ATF7IP: variants seen among roughly 807,000 people sequenced by gnomAD.
ATF7IP encodes activating transcription factor 7-interacting protein 1.
In ATF7IP, 23 loss-of-function variants were observed where a neutral mutation model predicts 106.4. The observed-to-expected ratio is 0.22, with a 90% CI of 0.16 to 0.31. The LOEUF is 0.31. Among genes scored for constraint, ATF7IP ranks in the 10% least tolerant of loss-of-function variants. ATF7IP has a pLI of 1.00. For missense variants in ATF7IP, 1,334 were observed against 1,524.3 expected, an observed-to-expected ratio of 0.88 and a Z score of 2.08; for synonymous variants, 542 against 539.0, an observed-to-expected ratio of 1.01 and a Z score of -0.08.
chr12:14,410,306 G>A (rs1940842199), intron 1 of ATF7IP, among the ~76,000 whole-genome samples: 1 of 152,164 alleles, frequency 6.6e-6, no homozygotes, highest in African/African-American at 2.4e-5. Context: ...TAAGTAGTGT[G>A]ATGAAATCTC....
At chr12:14,397,559 A>G (rs1175011940) in intron 1 of ATF7IP, among the ~76,000 whole-genome samples, 1 of 152,112 alleles carries the variant, frequency 6.6e-6, no homozygotes, top group Non-Finnish European at 1.5e-5. Context: ...ACATTTGTTG[A>G]TTTTGAGATG....
At chr12:14,422,915 G>A (rs1018974805) in intron 1 of ATF7IP, among the ~76,000 whole-genome samples, 4 of 152,148 alleles carry the variant, frequency 2.6e-5, no homozygotes, top group Non-Finnish European at 5.9e-5. Context: ...GGAAATGAAT[G>A]GAATGGAATC....
intron 8 of ATF7IP, among the ~76,000 whole-genome samples, chr12:14,459,716 A>G (rs1943566829): frequency 6.6e-6 from 1 of 152,210 alleles, no homozygotes; most frequent in African/African-American, 2.4e-5. Context: ...TGAACCTGTT[A>G]TTTTTGGAAA....
chr12:14,439,885 ATCCT>A lies in ATF7IP; in HGVS notation c.1929+1619_1929+1622del, dbSNP rs1339943592. On this transcript the variant is annotated intron_variant, in intron 5 of 14. Coordinates refer to ENST00000261168, the MANE Select transcript of ATF7IP (RefSeq NM_018179.5). ...CATCCATCCATCCATCCATCCATCCATCCTAAAACAGTTTTCGACACCTATCATC... is the reference window on the plus strand; with the variant it reads ...CATCCATCCATCCATCCATCCATCCAAAAACAGTTTTCGACACCTATCATC... 4.3e-3 allele frequency among the ~76,000 whole-genome samples: 620 copies of A among 143,400 alleles called. 7 individuals are homozygous for A. The highest frequency in any genetic ancestry group is 0.015 in the African/African-American group (595 of 39,158). 94.1% of individuals were successfully genotyped at this position (143,400 alleles called of 152,430 possible).
At chr12:14,495,100 G>C (rs1272026059) in intron 13 of ATF7IP, among the ~76,000 whole-genome samples, 1 of 152,268 alleles carries the variant, frequency 6.6e-6, no homozygotes, top group Non-Finnish European at 1.5e-5. Flanking sequence ...GGCTAAGCCT[G>C]TCTCTCCTTT....
At chr12:14,483,435 A>C (rs1468684574) in intron 13 of ATF7IP, among the ~76,000 whole-genome samples, 1 of 152,108 alleles carries the variant, frequency 6.6e-6, no homozygotes, top group Non-Finnish European at 1.5e-5. Flanking sequence ...TGTTGACTTA[A>C]AGGTAAGAGG....
At chr12:14,394,487 T>G (rs1939731822) in intron 1 of ATF7IP, among the ~76,000 whole-genome samples, 2 of 152,188 alleles carry the variant, frequency 1.3e-5, no homozygotes, top group Non-Finnish European at 2.9e-5. Flanking sequence ...CTAGAACCAG[T>G]CAGTACATGT....
At chr12:14,457,345 T>C in intron 8 of ATF7IP, 50 bp downstream of exon 8, 1 of 1,293,310 alleles carries the variant, frequency 7.7e-7, no homozygotes, top group Non-Finnish European at 1.1e-6. Flanking sequence ...AATTAAAGGC[T>C]TTGGTTCTCT....
chr12:14,464,156 T>C (rs1175969558), intron 9 of ATF7IP, among the ~76,000 whole-genome samples: 1 of 151,952 alleles, frequency 6.6e-6, no homozygotes, highest in Non-Finnish European at 1.5e-5. Context: ...GTACAAAAAA[T>C]AAAAAATTAG....
At chr12:14,485,029 A>G (rs1341725520) in intron 13 of ATF7IP, among the ~76,000 whole-genome samples, 2 of 152,060 alleles carry the variant, frequency 1.3e-5, no homozygotes, top group African/African-American at 4.8e-5. Context: ...CCTTGCTCCA[A>G]AATCCTGGAG....
intron 10 of ATF7IP, among the ~76,000 whole-genome samples, chr12:14,472,986 CTTTATA>C (rs768863846): frequency 1.3e-4 from 19 of 151,962 alleles, no homozygotes; most frequent in Non-Finnish European, 2.2e-4. Context: ...CAATCTGTGT[CTTTATA>C]TTTAAAGTGA....
intron 13 of ATF7IP, chr12:14,482,182 A>G (rs1259390851): frequency 6.6e-6 from 1 of 152,254 alleles, no homozygotes; most frequent in South Asian, 2.1e-4. Flanking sequence ...CATCAAAGGT[A>G]ACCACTGTTC....
rs1352307875 is a variant in ATF7IP, at chr12:14,424,231, G to T, written c.316G>T (p.Asp106Tyr). ...SVNVKNKQDDDLNCEPLSPHN... is the reference protein window; with the variant it reads ...SVNVKNKQDDYLNCEPLSPHN... ...TAATGTAAAAAACAAGCAGGATGAT[G>T]ATTTAAATTGTGAACCTTTGTCTCC... Residue 106 changes from aspartate to tyrosine, a missense_variant, in exon 2 of 15, where the codon GAT becomes TAT. By Grantham distance (160) the Asp-to-Tyr change is radical. Around this residue, in one of 10 missense-constraint regions of ATF7IP, gnomAD observed 438 missense variants for 405.3 expected, o/e 1.08. Transcript: ENST00000261168. The T allele has an allele frequency of 6.2e-7, 1 of 1,614,194 alleles. No homozygotes were observed. Among genetic ancestry groups the T allele is most frequent in the Non-Finnish European group, 8.5e-7 (1 of 1,180,026 alleles).
At chr12:14,436,649 G>A (rs1434524529) in intron 4 of ATF7IP, among the ~76,000 whole-genome samples, 1 of 152,122 alleles carries the variant, frequency 6.6e-6, no homozygotes, top group Non-Finnish European at 1.5e-5. Context: ...CCGAGATCAT[G>A]CCACTTCACT....
chr12:14,410,634 T>C (rs1286130528), intron 1 of ATF7IP, among the ~76,000 whole-genome samples: 1 of 152,190 alleles, frequency 6.6e-6, no homozygotes, highest in Non-Finnish European at 1.5e-5. Context: ...TTCTAAGATC[T>C]ATAGTAAGAA....
At chr12:14,383,566 T>A (rs766616351) in intron 1 of ATF7IP, among the ~76,000 whole-genome samples, 19 of 152,188 alleles carry the variant, frequency 1.2e-4, no homozygotes, top group Non-Finnish European at 2.4e-4. Context: ...AATTATAATT[T>A]TTTTTGAGAC....
intron 1 of ATF7IP, among the ~76,000 whole-genome samples, chr12:14,416,092 A>G (rs538275610): frequency 6.6e-6 from 1 of 152,296 alleles, no homozygotes; most frequent in South Asian, 2.1e-4. Flanking sequence ...GATTATTAGC[A>G]TCTTTTGTGC....
Position 14,455,094 on chromosome 12 carries a change from C to T in ATF7IP, c.1996-1467C>T, listed in dbSNP as rs183333152. ...CTCAGAGGCTGAGGCAGGAGAATCG[C>T]TTGAGCCTGGGAGGCGGAGGCTAGA... On this transcript the variant is annotated intron_variant, in intron 6 of 14. Coordinates refer to ENST00000261168, the MANE Select transcript of ATF7IP (RefSeq NM_018179.5). Among the ~76,000 whole-genome samples the T allele has an allele frequency of 1.2e-3, 183 of 151,418 alleles. 1 individual carries two copies. The highest frequency in any genetic ancestry group is 2.0e-3 in the Non-Finnish European group (136 of 67,926).
chr12:14,424,551 T>G lies in ATF7IP; in HGVS notation c.636T>G (p.Gly212=). Residue 212 remains glycine, a synonymous_variant, in exon 2 of 15, where the codon GGT becomes GGG. Coordinates refer to ENST00000261168, the MANE Select transcript of ATF7IP (RefSeq NM_018179.5). Reference sequence around the variant, plus strand: ...CCACCTCTAGTGATCCCATCCCAGGTGAACCGGTCCCTGTTGAACCCATTT... The same window carrying G: ...CCACCTCTAGTGATCCCATCCCAGGGGAACCGGTCCCTGTTGAACCCATTT... ...GDPTSSDPIP[G]EPVPVEPISG... The G allele has an allele frequency of 6.2e-7, 1 of 1,614,194 alleles. No individual in the cohort carries two copies. Among genetic ancestry groups the G allele is most frequent in the Non-Finnish European group, 8.5e-7 (1 of 1,180,024 alleles).
Sources: gnomAD v4.1 joint callset for allele counts (sites outside exome capture counted in the v4.1 genomes callset) on GRCh38, gnomAD v4.1.1 for gene constraint, gnomAD v4.1.1 regional missense constraint, MANE v1.5 for transcripts, NCBI Gene and HGNC (gene_info 2026-07-23, HGNC 2026-07-21) for gene names.